SLC30A7: variants seen among roughly 807,000 people sequenced by gnomAD.
SLC30A7 encodes solute carrier family 30 member 7.
Under a neutral mutation model 46.0 loss-of-function variants are expected in SLC30A7, and 35 were observed. That is an observed-to-expected ratio of 0.76 (90% confidence interval 0.58 to 1.01). The LOEUF is 1.01. Among genes scored for constraint, SLC30A7 ranks in the 50% least tolerant of loss-of-function variants. The pLI is 0.00. For missense variants in SLC30A7, 464 were observed against 451.1 expected (o/e 1.03, Z -0.26); for synonymous variants, 147 against 157.8 (o/e 0.93, Z 0.51).
intron 9 of SLC30A7, among the ~76,000 whole-genome samples, chr1:100,962,302 A>G (rs377091874): frequency 1.3e-5 from 2 of 152,228 alleles, no homozygotes; most frequent in Non-Finnish European, 2.9e-5. Flanking sequence ...CAGTGGGGAA[A>G]TACAGTAACT....
intron 8 of SLC30A7, among the ~76,000 whole-genome samples, chr1:100,932,172 TG>T (rs1653699423): frequency 6.6e-6 from 1 of 152,184 alleles, no homozygotes; most frequent in African/African-American, 2.4e-5. Flanking sequence ...CCCAGCACTT[TG>T]GGAGGCCGAG....
downstream of SLC30A7, among the ~76,000 whole-genome samples, chr1:100,982,091 G>A (rs1656972791): frequency 6.6e-6 from 1 of 152,204 alleles, no homozygotes; most frequent in Non-Finnish European, 1.5e-5. Flanking sequence ...CAAAACATCT[G>A]ATGTGAGCCT....
chr1:100,992,510 A>T, the SLC30A7 span: 1 of 600,414 alleles, frequency 1.7e-6, no homozygotes, highest in Non-Finnish European at 2.6e-6. Context: ...GACAAAAATG[A>T]CAAGAAATAG....
rs750445639 is a variant in SLC30A7, at chr1:100,911,060, T to A, written c.297-3T>A. On this transcript the variant is annotated splice_polypyrimidine_tract_variant and splice_region_variant and intron_variant, in intron 3 of 10. Transcript: ENST00000357650. ...TTCAGTTATTTACTTTGTTCCTCTT[T>A]AGGTATGTTAGAGCGGAAGTTCTGG... 5.0e-6 allele frequency: 8 copies of A among 1,602,338 alleles called. No individual in the cohort carries two copies. Among genetic ancestry groups the A allele is most frequent in the Admixed American group, 1.7e-5 (1 of 59,210 alleles).
chr1:100,948,601 T>C (rs1288919989), intron 8 of SLC30A7, among the ~76,000 whole-genome samples: 1 of 152,212 alleles, frequency 6.6e-6, no homozygotes, highest in Non-Finnish European at 1.5e-5. Context: ...CCTTGCTAGG[T>C]TGGGGACGTT....
chr1:100,897,646 A>G (rs1651050947), intron 2 of SLC30A7, among the ~76,000 whole-genome samples: 1 of 152,224 alleles, frequency 6.6e-6, no homozygotes, highest in Non-Finnish European at 1.5e-5. Context: ...GTTGAGATCA[A>G]ACATTGACAG....
chr1:100,923,613 A>G (rs910110287), intron 8 of SLC30A7, among the ~76,000 whole-genome samples: 1 of 152,092 alleles, frequency 6.6e-6, no homozygotes, highest in African/African-American at 2.4e-5. Flanking sequence ...CCATGTTTCT[A>G]CAAAAAATTT....
At chr1:100,934,377 A>G (rs1557992370) in intron 8 of SLC30A7, among the ~76,000 whole-genome samples, 1 of 152,140 alleles carries the variant, frequency 6.6e-6, no homozygotes. Context: ...GATTACTAGA[A>G]AGTAGAAATT....
chr1:100,915,473 C>G (rs1011886560), intron 6 of SLC30A7, among the ~76,000 whole-genome samples: 1 of 152,040 alleles, frequency 6.6e-6, no homozygotes, highest in Non-Finnish European at 1.5e-5. Flanking sequence ...CTATTCTATT[C>G]TCTGTTGCTA....
At chr1:100,897,282 T>G (rs1032751966) in intron 2 of SLC30A7, among the ~76,000 whole-genome samples, 1 of 152,208 alleles carries the variant, frequency 6.6e-6, no homozygotes, top group Non-Finnish European at 1.5e-5. Context: ...TGAGGGTTTT[T>G]GTTTTTTTTG....
chr1:100,953,163 A>T (rs75437067), intron 8 of SLC30A7, among the ~76,000 whole-genome samples: 12,332 of 152,184 alleles, frequency 0.081, 661 homozygotes, highest in Middle Eastern at 0.19. Context: ...CCATGACTGT[A>T]AATTTCCTGA....
chr1:100,958,872 A>G (rs1318295422), intron 8 of SLC30A7, among the ~76,000 whole-genome samples: 1 of 152,222 alleles, frequency 6.6e-6, no homozygotes, highest in East Asian at 1.9e-4. Flanking sequence ...ATGTAGTAAT[A>G]GTATAGGTAG....
chr1:100,917,765 A>G (rs1476456615), intron 6 of SLC30A7, among the ~76,000 whole-genome samples: 4 of 152,156 alleles, frequency 2.6e-5, no homozygotes, highest in Non-Finnish European at 5.9e-5. Context: ...GAATTTTCCA[A>G]TTGTAAGAGT....
chr1:100,963,855 A>G (rs183749311), intron 9 of SLC30A7, among the ~76,000 whole-genome samples: 3 of 152,314 alleles, frequency 2.0e-5, no homozygotes, highest in African/African-American at 7.2e-5. Flanking sequence ...AGAAATTGTT[A>G]TAGTACTAAA....
chr1:100,990,423 G>A, the SLC30A7 span: 1 of 1,613,596 alleles, frequency 6.2e-7, no homozygotes, highest in Non-Finnish European at 8.5e-7. Flanking sequence ...GTCCATTGAT[G>A]CTTTGAGATT....
chr1:100,942,365 A>G (rs950340831), intron 8 of SLC30A7, among the ~76,000 whole-genome samples: 12 of 152,226 alleles, frequency 7.9e-5, no homozygotes, highest in African/African-American at 2.9e-4. Context: ...ACATATCTGT[A>G]AAGTCATTCT....
chr1:100,973,626 T>A (rs1186714124), intron 10 of SLC30A7, among the ~76,000 whole-genome samples: 2 of 152,160 alleles, frequency 1.3e-5, no homozygotes, highest in Admixed American at 1.3e-4. Context: ...GGTGATAAGT[T>A]TACTGGGAGT....
intron 8 of SLC30A7, chr1:100,941,582 TTAAAA>T (rs1355000145): frequency 6.9e-6 from 4 of 576,514 alleles, no homozygotes; most frequent in Non-Finnish European, 1.3e-5. Context: ...TCCATACTGT[TTAAAA>T]TAATCTCTTA....
At chr1:100,923,774 G>GTC (rs781491895) in intron 8 of SLC30A7, among the ~76,000 whole-genome samples, 52 of 152,296 alleles carry the variant, frequency 3.4e-4, no homozygotes, top group Non-Finnish European at 5.7e-4. Flanking sequence ...GTGAGATCCT[G>GTC]TCTCTATATA....
Sources: allele counts gnomAD v4.1 joint callset (sites outside exome capture counted in the v4.1 genomes callset), GRCh38; gene constraint gnomAD v4.1.1; transcripts MANE v1.5; gene names NCBI Gene and HGNC (gene_info 2026-07-23, HGNC 2026-07-21).